GRK7: variants seen among roughly 807,000 people sequenced by gnomAD.
GRK7 encodes G protein-coupled receptor kinase 7, also known as rhodopsin kinase GRK7.
Under a neutral mutation model 34.1 loss-of-function variants are expected in GRK7, and 24 were observed. That is an observed-to-expected ratio of 0.70 (90% confidence interval 0.51 to 0.99). The LOEUF is 0.99. Among genes scored for constraint, GRK7 ranks in the 50% least tolerant of loss-of-function variants. GRK7 has a pLI of 0.00. For missense variants in GRK7, 644 were observed against 707.3 expected (o/e 0.91, Z 1.02); for synonymous variants, 256 against 279.4 (o/e 0.92, Z 0.84).
At chr3:141,776,980 G>A (rs995994700) in intron 2 of GRK7, among the ~76,000 whole-genome samples, 2 of 152,180 alleles carry the variant, frequency 1.3e-5, no homozygotes, top group East Asian at 1.9e-4. Context: ...TTTCTGTCTT[G>A]ATGAGGCCGA....
In GRK7 at chr3:141,777,322, C is replaced by CTTTTTTTTTT. The variant is rs770173065; in HGVS notation, c.-113-839_-113-830dup. 8.1e-4 allele frequency among the ~76,000 whole-genome samples: 43 copies of CTTTTTTTTTT among 52,872 alleles called. 8 individuals carry two copies. Among genetic ancestry groups the CTTTTTTTTTT allele is most frequent in the African/African-American group, 3.6e-3 (40 of 11,160 alleles). 34.7% of individuals were successfully genotyped at this position (52,872 alleles called of 152,430 possible). On this transcript the variant is annotated intron_variant, in intron 2 of 5. Transcript: ENST00000682958. Reference sequence around the variant, plus strand: ...TATGTTTTGGGTGGAGATGGCCCCTCTTTTTTTTTTTTTTTTTTTTGAGAC... The same window carrying CTTTTTTTTTT: ...TATGTTTTGGGTGGAGATGGCCCCTCTTTTTTTTTTTTTTTTTTTTTTTTTTTTTTGAGAC...
chr3:141,797,604 G>C (rs559223160), intron 4 of GRK7, among the ~76,000 whole-genome samples: 1 of 152,276 alleles, frequency 6.6e-6, no homozygotes, highest in South Asian at 2.1e-4. Context: ...TCTTCTGTTT[G>C]GATTGTGCTG....
chr3:141,801,517 G>T (rs139773325), intron 4 of GRK7, among the ~76,000 whole-genome samples: 54 of 151,986 alleles, frequency 3.6e-4, no homozygotes, highest in African/African-American at 1.3e-3. Context: ...AACCACATTT[G>T]ATCCAAATTT....
chr3:141,756,812 A>C, the GRK7 span, among the ~76,000 whole-genome samples: 1 of 152,206 alleles, frequency 6.6e-6, no homozygotes, highest in African/African-American at 2.4e-5. Context: ...AAATCATTCA[A>C]ATCAAAATAA....
Position 141,766,065 on chromosome 3 carries a change from G to A in GRK7, c.-215+327G>A, listed in dbSNP as rs76532438. The stretch of plus-strand genomic sequence containing the variant: ...TGCAAATGACTCTAATGTTACTATT[G>A]TTTATAAAAGTTGGGGTGTTTAAAT... On this transcript the variant is annotated intron_variant, in intron 1 of 5. Coordinates refer to ENST00000682958, the MANE Select transcript of GRK7 (RefSeq NM_139209.3). 5.7e-4 allele frequency among the ~76,000 whole-genome samples: 86 copies of A among 152,126 alleles called. 1 individual carries two copies. In the East Asian group the frequency reaches 0.016, roughly 29 times the overall value.
chr3:141,807,535 C>A, intron 4 of GRK7, 110 bp from the exon 5 acceptor site: 2 of 969,402 alleles, frequency 2.1e-6, no homozygotes, highest in Non-Finnish European at 3.1e-6. Flanking sequence ...GTTCCCTCAA[C>A]AAGGGAAGAA....
intron 1 of GRK7, among the ~76,000 whole-genome samples, chr3:141,771,445 G>A (rs1383725753): frequency 7.4e-6 from 1 of 135,090 alleles, no homozygotes; most frequent in Admixed American, 7.6e-5. Flanking sequence ...CTAAAGTCTA[G>A]GAAGGATGGG....
At chr3:141,795,073 A>G (rs998588463) in intron 4 of GRK7, among the ~76,000 whole-genome samples, 1 of 152,184 alleles carries the variant, frequency 6.6e-6, no homozygotes, top group Non-Finnish European at 1.5e-5. Context: ...CCAGCCCAAC[A>G]TGAGGACCTG....
At chr3:141,804,364 A>G (rs947412747) in intron 4 of GRK7, among the ~76,000 whole-genome samples, 6 of 152,176 alleles carry the variant, frequency 3.9e-5, no homozygotes, top group African/African-American at 1.4e-4. Context: ...CCCTCCCTCC[A>G]TGGCATGCCC....
At chr3:141,812,178 T>A (rs923573634) in intron 5 of GRK7, among the ~76,000 whole-genome samples, 1 of 152,206 alleles carries the variant, frequency 6.6e-6, no homozygotes, top group Admixed American at 6.5e-5. Context: ...CATTGTAATC[T>A]CTGTGTGGGG....
rs117926191 is a variant in GRK7 at position 141,786,573 on chromosome 3, C to G, written c.1050+5762C>G. On this transcript the variant is annotated intron_variant, in intron 4 of 5. Coordinates refer to ENST00000682958, the MANE Select transcript of GRK7 (RefSeq NM_139209.3). ...CAGGCAGATCATGATGTCAGGAGAT[C>G]AAGACCACGCTGGCTAACACAGTGA... is the stretch of plus-strand genomic sequence containing the variant. Among the ~76,000 whole-genome samples the G allele has an allele frequency of 2.0e-5, 3 of 152,086 alleles. No homozygotes were observed. The East Asian group carries it at 5.8e-4, about 29-fold the overall frequency.
In GRK7 at chr3:141,793,702, C is replaced by T. The variant is rs146503824; in HGVS notation, c.1050+12891C>T. On this transcript the variant is annotated intron_variant, in intron 4 of 5. Transcript: ENST00000682958. ...GGGCGGAAGCCTGGGATGCCATCCC[C>T]GCTGCAGAAGGCAGTTCCCAGGGAG... 1.4e-3 allele frequency among the ~76,000 whole-genome samples: 213 copies of T among 152,318 alleles called. 1 individual carries two copies. The highest frequency in any genetic ancestry group is 4.5e-3 in the African/African-American group (188 of 41,576).
At chr3:141,750,378 C>T in the GRK7 span, among the ~76,000 whole-genome samples, 1 of 152,242 alleles carries the variant, frequency 6.6e-6, no homozygotes, top group Non-Finnish European at 1.5e-5. Flanking sequence ...ATTAAGACTA[C>T]AGTTTCATAG....
At chr3:141,811,179 G>A (rs1219039215) in intron 5 of GRK7, among the ~76,000 whole-genome samples, 1 of 151,880 alleles carries the variant, frequency 6.6e-6, no homozygotes, top group African/African-American at 2.4e-5. Flanking sequence ...TTAGCCGGGT[G>A]CAGTGGCGGG....
intron 4 of GRK7, among the ~76,000 whole-genome samples, chr3:141,794,322 G>A (rs377568023): frequency 1.2e-3 from 185 of 152,378 alleles, no homozygotes; most frequent in South Asian, 9.3e-3. Flanking sequence ...CCAGCAGCTG[G>A]AGGGTGGGGG....
At chr3:141,768,267 C>A (rs1311994294) in intron 1 of GRK7, among the ~76,000 whole-genome samples, 1 of 148,248 alleles carries the variant, frequency 6.7e-6, no homozygotes, top group Non-Finnish European at 1.5e-5. Context: ...TCCTTCCTGT[C>A]AGCCTTTTTT....
At chr3:141,816,631 T>A in intron 5 of GRK7, 83 bp from the exon 6 acceptor site, 2 of 703,422 alleles carry the variant, frequency 2.8e-6, no homozygotes, top group Admixed American at 2.9e-5. Flanking sequence ...AAGAAAAGAA[T>A]GCTACACACT....
At chr3:141,801,085 C>T (rs999528714) in intron 4 of GRK7, among the ~76,000 whole-genome samples, 8 of 151,772 alleles carry the variant, frequency 5.3e-5, no homozygotes, top group African/African-American at 7.3e-5. Context: ...CCGAGGCGGG[C>T]GGATCACAAG....
chr3:141,779,267 A>G (rs2084658589), intron 3 of GRK7, among the ~76,000 whole-genome samples: 1 of 152,140 alleles, frequency 6.6e-6, no homozygotes, highest in Non-Finnish European at 1.5e-5. Flanking sequence ...AAAATACTCT[A>G]ACTAGCTGGG....
Sources: gnomAD v4.1 joint callset for allele counts (sites outside exome capture counted in the v4.1 genomes callset) on GRCh38, gnomAD v4.1.1 for gene constraint, MANE v1.5 for transcripts, NCBI Gene and HGNC (gene_info 2026-07-23, HGNC 2026-07-21) for gene names.